The following CNOT1 variants were observed in gnomAD, a reference collection of about 807,000 sequenced individuals.
CNOT1 encodes the protein CCR4-associated factor 1.
In CNOT1, 15 loss-of-function variants were observed where a neutral mutation model predicts 273.8. That is an observed-to-expected ratio of 0.05 (90% confidence interval 0.04 to 0.08). The LOEUF (loss-of-function observed/expected upper bound fraction) is 0.08, where lower values mean the gene tolerates loss of function less well. Among genes scored for constraint, CNOT1 ranks in the 10% least tolerant of loss-of-function variants. The pLI is 1.00. For synonymous variants in CNOT1, 1,022 were observed against 1,005.5 expected (o/e 1.02, Z -0.31); for missense variants, 1,644 against 2,912.2 (o/e 0.56, Z 10.02).
chr16:58,596,904 A>AC (rs2042279007), intron 2 of CNOT1, among the ~76,000 whole-genome samples: 1 of 150,480 alleles, frequency 6.6e-6, no homozygotes, highest in East Asian at 1.9e-4. Flanking sequence ...AAAAAAAAAA[A>AC]AAAAAAAAAA....
rs192654506 is a variant in CNOT1, at chr16:58,575,185, G to C, written c.1705-56C>G. ...ATGGAGCAATTAAGTAACTATCTCTGTCCCATATTCTGTTTTTCGCTTTCC... is the reference window on the plus strand; with the variant it reads ...ATGGAGCAATTAAGTAACTATCTCTCTCCCATATTCTGTTTTTCGCTTTCC... On this transcript the variant is annotated intron_variant, in intron 14 of 48. Coordinates refer to ENST00000317147, the MANE Select transcript of CNOT1 (RefSeq NM_016284.5). The C allele has an allele frequency of 2.7e-5, 43 of 1,582,912 alleles. No homozygotes were observed. In the East Asian group the frequency reaches 9.2e-4, roughly 34 times the overall value.
intron 1 of CNOT1, among the ~76,000 whole-genome samples, chr16:58,608,798 A>AG: frequency 6.6e-6 from 1 of 152,204 alleles, no homozygotes; most frequent in East Asian, 1.9e-4. Flanking sequence ...AAAGGAATGA[A>AG]TTAATGGCAT....
At chr16:58,541,838 T>G (rs894089258) in intron 33 of CNOT1, among the ~76,000 whole-genome samples, 1 of 152,212 alleles carries the variant, frequency 6.6e-6, no homozygotes, top group Non-Finnish European at 1.5e-5. Context: ...ATAAATTAAC[T>G]GAGAGTTTCT....
At chr16:58,622,832 A>G (rs1274969623) in intron 1 of CNOT1, among the ~76,000 whole-genome samples, 2 of 150,246 alleles carry the variant, frequency 1.3e-5, no homozygotes, top group Non-Finnish European at 3.0e-5. Context: ...AGGCGCCAAG[A>G]GTGAAACTCT....
At chr16:58,610,746 G>C (rs1264403194) in intron 1 of CNOT1, among the ~76,000 whole-genome samples, 2 of 151,898 alleles carry the variant, frequency 1.3e-5, no homozygotes, top group African/African-American at 4.8e-5. Flanking sequence ...GGGAGGCTGA[G>C]GCAGGAGAAT....
In CNOT1 at chr16:58,520,909, G is replaced by A. The variant is rs752277845; in HGVS notation, c.*49C>T. 3 of 1,563,256 alleles carry A rather than the reference G, an allele frequency of 1.9e-6. No individual in the cohort carries two copies. In the South Asian group the frequency reaches 3.3e-5, roughly 17 times the overall value. ...ATTCTTCAGTCAGTTTATGAACTCG[G>A]TGCAGTGAGACCTCTAGACTGACAC... On this transcript the variant is annotated 3_prime_UTR_variant, in exon 49 of 49. Coordinates refer to ENST00000317147, the MANE Select transcript of CNOT1 (RefSeq NM_016284.5).
intron 31 of CNOT1, chr16:58,543,095 G>C (rs1869381188): frequency 1.6e-6 from 2 of 1,246,688 alleles, no homozygotes; most frequent in Non-Finnish European, 2.0e-6. Context: ...CCTGTCTCAT[G>C]AAACATTAAA....
At chr16:58,533,364 C>T (rs1424733717) in intron 40 of CNOT1, among the ~76,000 whole-genome samples, 1 of 152,148 alleles carries the variant, frequency 6.6e-6, no homozygotes, top group East Asian at 1.9e-4. Context: ...TGGCCGGGCG[C>T]TGTGGCTCAC....
intron 1 of CNOT1, among the ~76,000 whole-genome samples, chr16:58,611,082 G>A (rs1387379942): frequency 1.3e-5 from 2 of 151,982 alleles, no homozygotes; most frequent in Non-Finnish European, 2.9e-5. Flanking sequence ...CACCACCCAA[G>A]ACCAAGAGAG....
At chr16:58,525,042 C>A in intron 46 of CNOT1, 137 bp downstream of exon 46, 1 of 758,286 alleles carries the variant, frequency 1.3e-6, no homozygotes, top group Non-Finnish European at 2.2e-6. Context: ...ATAAAATAAT[C>A]AGCTAGACCT....
rs181978199 is a variant in CNOT1 at position 58,578,732 on chromosome 16, T to G, written c.1551A>C (p.Ser517=). Residue 517 remains serine (S), a synonymous_variant, in exon 13 of 49, where the codon TCA becomes TCC. Coordinates refer to ENST00000317147, the MANE Select transcript of CNOT1 (RefSeq NM_016284.5). ...GCCATGCATAGTGCAAAATAATAGC[T>G]GAGTTAGGATGGTTTCCAAGGAAAA... ...MPIFLGNHPN[S]AIILHYAWHG... is the part of the protein sequence containing the mutation. 3.7e-5 allele frequency: 59 copies of G among 1,614,076 alleles called. No individual in the cohort carries two copies. The East Asian group carries it at 1.3e-3, about 35-fold the overall frequency.
In CNOT1 at chr16:58,537,148, G is replaced by A. The variant is rs750001794; in HGVS notation, c.5487C>T (p.Asn1829=). ...GAGAGATCCCAGAATGCATCATAAA[G>A]TTTGGGCCTCCATGAGCACGATCAA... ...AMIDRAHGGP[N]FMMHSGISQA... Residue 1829 remains asparagine, a synonymous_variant, in exon 39 of 49, where the codon AAC becomes AAT. Transcript: ENST00000317147. 49 of 1,614,122 alleles carry A rather than the reference G, an allele frequency of 3.0e-5. No individual in the cohort carries two copies. In the East Asian group the frequency reaches 1.0e-3, roughly 34 times the overall value.
chr16:58,521,321 G>GA lies in CNOT1; in HGVS notation c.6918-5dup. On this transcript the variant is annotated splice_region_variant and splice_polypyrimidine_tract_variant and intron_variant, in intron 47 of 48. Transcript: ENST00000317147. ...AATCAACCGTTCCAAGAGAACTCTG[G>GA]AAAAAGGGAGAAAGAGCTAGTTAAT... The GA allele has an allele frequency of 6.3e-7, 1 of 1,594,360 alleles. No individual in the cohort carries two copies. The highest frequency in any genetic ancestry group is 8.5e-7 in the Non-Finnish European group (1 of 1,175,052).
chr16:58,600,563 TTTATG>T (rs2042425142), intron 1 of CNOT1, among the ~76,000 whole-genome samples: 1 of 152,192 alleles, frequency 6.6e-6, no homozygotes, highest in Non-Finnish European at 1.5e-5. Flanking sequence ...CACTTTATTC[TTTATG>T]TTACTGCTTC....
intron 40 of CNOT1, among the ~76,000 whole-genome samples, chr16:58,533,719 C>T (rs562494346): frequency 4.1e-4 from 62 of 151,864 alleles, no homozygotes; most frequent in South Asian, 1.9e-3. Context: ...CAGCTACTCA[C>T]GAGGCTGAGG....
In CNOT1 at chr16:58,532,503, G is replaced by C. The variant is rs1049547716; in HGVS notation, c.5896-108C>G. 8 of 1,468,734 alleles carry C rather than the reference G, an allele frequency of 5.4e-6. No homozygotes were observed. The African/African-American group carries it at 1.1e-4, about 21-fold the overall frequency. 91.0% of individuals were successfully genotyped at this position (1,468,734 alleles called of 1,614,324 possible). ...TTCTTAAACCCAACATTAAAGGAAA[G>C]CATATATACAATTTGAATACAAAAT... On this transcript the variant is annotated intron_variant, in intron 40 of 48. Transcript: ENST00000317147.
intron 21 of CNOT1, among the ~76,000 whole-genome samples, chr16:58,554,928 T>C (rs1425556020): frequency 3.4e-4 from 4 of 11,726 alleles, no homozygotes; most frequent in African/African-American, 1.1e-3. Context: ...AGAGCAAGAC[T>C]CCATCTCAAA....
At chr16:58,628,705 T>C (rs58441519) in intron 1 of CNOT1, among the ~76,000 whole-genome samples, 1,969 of 152,262 alleles carry the variant, frequency 0.013, 39 homozygotes, top group African/African-American at 0.045. Context: ...ACAGACTTTA[T>C]TAGAGTCCTA....
At chr16:58,532,111 C>T in intron 41 of CNOT1, 36 bp from the exon 42 acceptor site, 6 of 1,613,166 alleles carry the variant, frequency 3.7e-6, no homozygotes, top group Non-Finnish European at 5.1e-6. Context: ...AAGCACAGTC[C>T]AACTTAAATA....
Sources: gnomAD v4.1 joint callset for allele counts (sites outside exome capture counted in the v4.1 genomes callset) on GRCh38, gnomAD v4.1.1 for gene constraint, MANE v1.5 for transcripts, NCBI Gene and HGNC (gene_info 2026-07-23, HGNC 2026-07-21) for gene names.